The following STS variants were observed in gnomAD, a reference collection of about 807,000 sequenced individuals.
STS encodes steryl-sulfatase.
STS carries 7 observed loss-of-function variants against 26.8 expected under a neutral mutation model. The observed-to-expected ratio is 0.26, with a 90% CI of 0.15 to 0.49. STS has a LOEUF of 0.49. Among genes scored for constraint, STS ranks in the 20% least tolerant of loss-of-function variants. STS has a pLI of 0.98. For synonymous variants in STS, 199 were observed against 189.4 expected, an observed-to-expected ratio of 1.05 and a Z score of -0.42; for missense variants, 434 against 465.6, an observed-to-expected ratio of 0.93 and a Z score of 0.63.
chrX:7,244,771 A>T (rs1423623177), intron 2 of STS, among the ~76,000 whole-genome samples: 9 of 111,376 alleles, frequency 8.1e-5, no homozygotes, highest in Non-Finnish European at 1.3e-4. Flanking sequence ...ATAAAGACTC[A>T]TCCAGTCCAC....
chrX:7,310,928 A>G (rs1163759504), intron 8 of STS, among the ~76,000 whole-genome samples: 2 of 111,670 alleles, frequency 1.8e-5, no homozygotes, highest in Non-Finnish European at 3.8e-5. Flanking sequence ...CAAGCTAGAC[A>G]TCAAATGCAA....
At chrX:7,347,298 A>G (rs1404323908) in intron 10 of STS, among the ~76,000 whole-genome samples, 3 of 111,952 alleles carry the variant, frequency 2.7e-5, no homozygotes, top group African/African-American at 9.7e-5. Context: ...CTTTTCAGTA[A>G]ATCTAAAGTG....
At chrX:7,259,995 C>T (rs1449292792) in intron 6 of STS, among the ~76,000 whole-genome samples, 1 of 111,450 alleles carries the variant, frequency 9.0e-6, no homozygotes, top group Non-Finnish European at 1.9e-5. Context: ...CCTGCCTCAG[C>T]CTCCTGAGTA....
chrX:7,220,368 A>C (rs1211727434), intron 2 of STS, among the ~76,000 whole-genome samples: 1 of 110,495 alleles, frequency 9.1e-6, no homozygotes, highest in East Asian at 2.9e-4. Context: ...GTCTGGCAGC[A>C]CTTGTAAGTC....
intron 10 of STS, among the ~76,000 whole-genome samples, chrX:7,337,836 A>G (rs1928105275): frequency 8.9e-6 from 1 of 112,206 alleles, no homozygotes; most frequent in African/African-American, 3.2e-5. Flanking sequence ...CTGACTGCAG[A>G]TGTTTTTAAG....
In STS at chrX:7,350,622, C is replaced by T. The variant is rs1928755684; in HGVS notation, c.*361C>T. The T allele has an allele frequency of 4.6e-6, 1 of 217,280 alleles. No individual in the cohort carries two copies. Among genetic ancestry groups the T allele is most frequent in the African/African-American group, 2.9e-5 (1 of 34,911 alleles). 17.9% of individuals were successfully genotyped at this position (217,280 alleles called of 1,213,427 possible). A position where few individuals can be genotyped will look rare whatever the true frequency, so the allele number is the denominator to read the frequency against. On this transcript the variant is annotated 3_prime_UTR_variant, in exon 11 of 11. Transcript: ENST00000674429. Reference sequence around the variant, plus strand: ...CAGAAAGGTGCAGGAGGTACCTTAACTCACCCCTCAGCAAATACCTATGTC... The same window carrying T: ...CAGAAAGGTGCAGGAGGTACCTTAATTCACCCCTCAGCAAATACCTATGTC...
chrX:7,231,674 G>A (rs1922065659), intron 2 of STS, among the ~76,000 whole-genome samples: 2 of 111,080 alleles, frequency 1.8e-5, no homozygotes, highest in South Asian at 7.6e-4. Flanking sequence ...CTGCAACCTT[G>A]GCATTATCGG....
At chrX:7,322,251 ACCT>A (rs759417223) in intron 8 of STS, among the ~76,000 whole-genome samples, 2 of 110,580 alleles carry the variant, frequency 1.8e-5, no homozygotes, top group South Asian at 7.8e-4. Context: ...TGCAGATGAG[ACCT>A]CCTGTGTAGC....
In STS at chrX:7,239,403, T is replaced by C. The variant is rs1396146900; in HGVS notation, c.-4-13793T>C. 9.8e-5 allele frequency among the ~76,000 whole-genome samples: 11 copies of C among 112,382 alleles called. No homozygotes were observed. In the Admixed American group the frequency reaches 1.0e-3, roughly 11 times the overall value. On this transcript the variant is annotated intron_variant, in intron 2 of 10. Coordinates refer to ENST00000674429, the MANE Select transcript of STS (RefSeq NM_001320752.2). ...CGTGCAAGTTTTTCTCTGTTTTTAA[T>C]AAGCCTTCTTCCCCATCGAGCAAAT...
chrX:7,332,777 T>A (rs1927820020), intron 9 of STS, among the ~76,000 whole-genome samples: 2 of 112,096 alleles, frequency 1.8e-5, no homozygotes, highest in East Asian at 5.6e-4. Flanking sequence ...GCACACGCTG[T>A]GTCTCAATAG....
chrX:7,152,938 C>T (rs1439914308), intron 1 of STS, among the ~76,000 whole-genome samples: 3 of 112,108 alleles, frequency 2.7e-5, no homozygotes, highest in African/African-American at 9.7e-5. Context: ...GATCATGTTT[C>T]GTAATATCCG....
intron 2 of STS, among the ~76,000 whole-genome samples, chrX:7,204,232 T>C (rs1396383783): frequency 8.9e-6 from 1 of 112,084 alleles, no homozygotes; most frequent in Non-Finnish European, 1.9e-5. Flanking sequence ...TTATTTTTTC[T>C]TCAAGTCTCC....
intron 7 of STS, among the ~76,000 whole-genome samples, chrX:7,278,133 T>G (rs769275312): frequency 8.9e-6 from 1 of 112,439 alleles, no homozygotes; most frequent in Non-Finnish European, 1.9e-5. Flanking sequence ...TTTATAGATG[T>G]TTGTGTTGTT....
chrX:7,296,153 G>A (rs974193059), intron 7 of STS, among the ~76,000 whole-genome samples: 14 of 111,446 alleles, frequency 1.3e-4, no homozygotes, highest in Non-Finnish European at 2.4e-4. Context: ...CCTCCAGTTG[G>A]ATATTGCTGG....
chrX:7,179,855 A>G (rs1933648357), intron 1 of STS, among the ~76,000 whole-genome samples: 8 of 112,196 alleles, frequency 7.1e-5, no homozygotes, highest in Non-Finnish European at 1.9e-5. Context: ...ATTGTACAAC[A>G]TGGTGACTGT....
chrX:7,289,550 T>C (rs967998935), intron 7 of STS, among the ~76,000 whole-genome samples: 28 of 111,775 alleles, frequency 2.5e-4, no homozygotes, highest in Non-Finnish European at 4.9e-4. Context: ...GGTGCTACTG[T>C]GCATCCTTCC....
At chrX:7,153,510 ACT>A (rs1452100609) in intron 1 of STS, among the ~76,000 whole-genome samples, 2 of 28,223 alleles carry the variant, frequency 7.1e-5, no homozygotes, top group Non-Finnish European at 1.3e-4. Context: ...CTTCTCCTCC[ACT>A]CTCTCCTTCC....
At chrX:7,243,780 C>T (rs1047276588) in intron 2 of STS, among the ~76,000 whole-genome samples, 28 of 111,505 alleles carry the variant, frequency 2.5e-4, no homozygotes, top group African/African-American at 9.1e-4. Flanking sequence ...TTATGTTTCC[C>T]AGGCTGGGAG....
chrX:7,160,813 A>G (rs1933225617), intron 1 of STS, among the ~76,000 whole-genome samples: 1 of 112,027 alleles, frequency 8.9e-6, no homozygotes, highest in Admixed American at 9.5e-5. Context: ...AATATCTGTA[A>G]TGTTAATATG....
Sources: gnomAD v4.1 joint callset for allele counts (sites outside exome capture counted in the v4.1 genomes callset) on GRCh38, gnomAD v4.1.1 for gene constraint, MANE v1.5 for transcripts, NCBI Gene and HGNC (gene_info 2026-07-23, HGNC 2026-07-21) for gene names.